The following TBXAS1 variants were observed in gnomAD, a reference collection of about 807,000 sequenced individuals.
TBXAS1 encodes thromboxane-A synthase.
A neutral mutation model predicts 60.7 loss-of-function variants in TBXAS1; 48 were observed. That is an observed-to-expected ratio of 0.79 (90% CI 0.63 to 1.01). The LOEUF is 1.01. Among genes scored for constraint, TBXAS1 ranks in the 50% least tolerant of loss-of-function variants. The probability of loss-of-function intolerance (pLI) is 0.00; values close to 1 mark genes in which losing one functional copy is unlikely to be tolerated. For missense variants in TBXAS1, 685 were observed against 686.3 expected (o/e 1.00, Z 0.02); for synonymous variants, 287 against 269.7 (o/e 1.06, Z -0.63).
chr7:140,007,643 G>GGAGCTCC (rs1207973412), intron 10 of TBXAS1, among the ~76,000 whole-genome samples: 1 of 152,028 alleles, frequency 6.6e-6, no homozygotes, highest in African/African-American at 2.4e-5. Flanking sequence ...CTGAGTCCTG[G>GGAGCTCC]GAGCTCCTTC....
At chr7:139,888,695 T>C (rs1803308450) in intron 3 of TBXAS1, among the ~76,000 whole-genome samples, 1 of 152,104 alleles carries the variant, frequency 6.6e-6, no homozygotes, top group Admixed American at 6.5e-5. Flanking sequence ...GAAGAGTGTA[T>C]CCAGGCACAT....
intron 4 of TBXAS1, among the ~76,000 whole-genome samples, chr7:139,931,042 TAC>T (rs896392952): frequency 6.6e-6 from 1 of 151,482 alleles, no homozygotes; most frequent in Admixed American, 6.6e-5. Context: ...TGATACAGAA[TAC>T]ACACACACAC....
At chr7:139,846,795 G>A (rs1048027410) in intron 1 of TBXAS1, among the ~76,000 whole-genome samples, 2 of 152,192 alleles carry the variant, frequency 1.3e-5, no homozygotes, top group Non-Finnish European at 2.9e-5. Context: ...ATCAGACTTA[G>A]TAAGCTGAAG....
At chr7:139,915,620 G>A (rs1440571129) in intron 4 of TBXAS1, among the ~76,000 whole-genome samples, 1 of 152,170 alleles carries the variant, frequency 6.6e-6, no homozygotes, top group Non-Finnish European at 1.5e-5. Flanking sequence ...CCCTGATTTG[G>A]GAAGCTGGAT....
chr7:139,935,579 ATCAACCAC>A (rs1431613050), intron 4 of TBXAS1, among the ~76,000 whole-genome samples: 1 of 152,214 alleles, frequency 6.6e-6, no homozygotes, highest in African/African-American at 2.4e-5. Flanking sequence ...GTATTAGGCT[ATCAACCAC>A]TGTTTGCTGA....
chr7:139,936,378 C>T (rs1221383260), intron 5 of TBXAS1, 71 bp downstream of exon 5: 2 of 1,455,160 alleles, frequency 1.4e-6, no homozygotes, highest in South Asian at 1.1e-5. Context: ...GTGATGAGAG[C>T]CAGTTCATGT....
chr7:140,012,316 G>A (rs902519968), intron 10 of TBXAS1, among the ~76,000 whole-genome samples: 3 of 152,102 alleles, frequency 2.0e-5, no homozygotes, highest in Non-Finnish European at 4.4e-5. Context: ...CTTCTCAATC[G>A]AACCCTATAG....
intron 4 of TBXAS1, among the ~76,000 whole-genome samples, chr7:139,811,850 A>C (rs184631235): frequency 6.6e-6 from 1 of 152,246 alleles, no homozygotes; most frequent in African/African-American, 2.4e-5. Flanking sequence ...AGTCTACATG[A>C]CAGTGACTCT....
chr7:139,924,692 T>C (rs1569514294), intron 4 of TBXAS1, among the ~76,000 whole-genome samples: 1 of 152,218 alleles, frequency 6.6e-6, no homozygotes, highest in Non-Finnish European at 1.5e-5. Context: ...TTGCGTTGGT[T>C]GCCTGTGCTT....
chr7:139,899,410 T>C (rs2116981345), intron 3 of TBXAS1, among the ~76,000 whole-genome samples: 1 of 152,304 alleles, frequency 6.6e-6, no homozygotes, highest in South Asian at 2.1e-4. Flanking sequence ...AACAGTCTAT[T>C]CTACTTAAGT....
At chr7:139,981,795 T>A (rs1236363140) in intron 9 of TBXAS1, among the ~76,000 whole-genome samples, 1 of 152,240 alleles carries the variant, frequency 6.6e-6, no homozygotes, top group Non-Finnish European at 1.5e-5. Context: ...CCCTGAAGGT[T>A]TGTGGCTGCA....
intron 1 of TBXAS1, among the ~76,000 whole-genome samples, chr7:139,845,911 C>T (rs1378988324): frequency 6.6e-6 from 1 of 150,826 alleles, no homozygotes; most frequent in Non-Finnish European, 1.5e-5. Flanking sequence ...GCAGCCTCAA[C>T]CTCCCCAGGC....
chr7:139,843,101 T>C (rs1199555305), intron 1 of TBXAS1, among the ~76,000 whole-genome samples: 1 of 152,180 alleles, frequency 6.6e-6, no homozygotes, highest in East Asian at 1.9e-4. Flanking sequence ...CCCTCCTTCC[T>C]GCACTGACAT....
At chr7:139,840,976 G>A (rs1799399260) in intron 1 of TBXAS1, among the ~76,000 whole-genome samples, 1 of 152,162 alleles carries the variant, frequency 6.6e-6, no homozygotes, top group Non-Finnish European at 1.5e-5. Flanking sequence ...GCCCACTGGC[G>A]CTCTTGCATG....
intron 3 of TBXAS1, among the ~76,000 whole-genome samples, chr7:139,893,325 G>GACACACAC (rs71170920): frequency 0.061 from 8,474 of 139,874 alleles, 333 homozygotes; most frequent in Middle Eastern, 0.14. Flanking sequence ...CTATGGAATA[G>GACACACAC]ACACACACAC....
intron 5 of TBXAS1, among the ~76,000 whole-genome samples, chr7:139,951,776 A>G (rs1300141729): frequency 2.9e-5 from 2 of 67,802 alleles, no homozygotes; most frequent in African/African-American, 5.6e-5. Context: ...CTGTCTAAAA[A>G]AAAAAAAAAA....
chr7:139,838,046 C>T (rs1799182297), intron 1 of TBXAS1, among the ~76,000 whole-genome samples: 1 of 152,178 alleles, frequency 6.6e-6, no homozygotes, highest in Non-Finnish European at 1.5e-5. Flanking sequence ...TGTGGGTCTC[C>T]TGCTCCTTCA....
At chr7:139,878,949 G>A (rs1156539250) in intron 3 of TBXAS1, among the ~76,000 whole-genome samples, 2 of 152,150 alleles carry the variant, frequency 1.3e-5, no homozygotes, top group African/African-American at 2.4e-5. Context: ...CTGAATGTTG[G>A]GAGAAAAATG....
intron 4 of TBXAS1, among the ~76,000 whole-genome samples, chr7:139,823,248 A>C (rs1798346787): frequency 6.6e-6 from 1 of 152,042 alleles, no homozygotes; most frequent in Admixed American, 6.6e-5. Flanking sequence ...GACGGAACTT[A>C]GGTGATTATA....
Sources: gnomAD v4.1 joint callset for allele counts (sites outside exome capture counted in the v4.1 genomes callset) on GRCh38, gnomAD v4.1.1 for gene constraint, MANE v1.5 for transcripts, NCBI Gene and HGNC (gene_info 2026-07-23, HGNC 2026-07-21) for gene names.